IQSEC2: variants seen among roughly 807,000 people sequenced by gnomAD.
IQSEC2 encodes IQ motif and SEC7 domain-containing protein 2.
A neutral mutation model predicts 74.6 loss-of-function variants in IQSEC2; 6 were observed. The observed-to-expected ratio is 0.08, with a 90% CI of 0.04 to 0.16. IQSEC2 has a LOEUF of 0.16. Among genes scored for constraint, IQSEC2 ranks in the 10% least tolerant of loss-of-function variants. The pLI is 1.00. For synonymous variants in IQSEC2, 494 were observed against 544.5 expected (o/e 0.91, Z 1.29); for missense variants, 734 against 1,306.2 (o/e 0.56, Z 6.75).
At chrX:53,278,816 CTGT>C (rs1556870083) in intron 2 of IQSEC2, among the ~76,000 whole-genome samples, 2 of 112,158 alleles carry the variant, frequency 1.8e-5, no homozygotes, top group Non-Finnish European at 3.8e-5. Flanking sequence ...TTTGCTGCTG[CTGT>C]TAATATTTCC....
chrX:53,236,126 C>G (rs1409039335), intron 13 of IQSEC2, among the ~76,000 whole-genome samples, 196 bp downstream of exon 13: 1 of 112,483 alleles, frequency 8.9e-6, no homozygotes, highest in Non-Finnish European at 1.9e-5. Flanking sequence ...TTCACACTCC[C>G]TGGCCCAAAA....
At chrX:53,263,729 C>T (rs2074607243) in intron 2 of IQSEC2, among the ~76,000 whole-genome samples, 1 of 111,645 alleles carries the variant, frequency 9.0e-6, no homozygotes, top group African/African-American at 3.3e-5. Flanking sequence ...TCACTCCTGC[C>T]GCTCACGGAA....
Position 53,236,393 on chromosome X carries a change from T to A in IQSEC2, c.3380A>T (p.Asp1127Val), listed in dbSNP as rs144128848. The change falls in exon 13 of 15, where the codon GAC becomes GTC. Residue 1127 changes from aspartate (D) to valine (V), a missense_variant. Asp to Val is a radical substitution (Grantham distance 152). Coordinates refer to ENST00000642864, the MANE Select transcript of IQSEC2 (RefSeq NM_001111125.3). ...NGTMARSSLE[D>V]TYGAGDGLKR... Reference sequence around the variant, plus strand: ...GAGCCCATCGCCTGCCCCGTAAGTGTCCTCCAGGCTACTGCGGGCCATCGT... The same window carrying A: ...GAGCCCATCGCCTGCCCCGTAAGTGACCTCCAGGCTACTGCGGGCCATCGT... 2 of 1,206,373 alleles carry A rather than the reference T, an allele frequency of 1.7e-6. No individual in the cohort carries two copies. The highest frequency in any genetic ancestry group is 2.2e-6 in the Non-Finnish European group (2 of 893,017).
chrX:53,253,124 A>C (rs2074416496), intron 4 of IQSEC2, among the ~76,000 whole-genome samples: 1 of 112,469 alleles, frequency 8.9e-6, no homozygotes, highest in Non-Finnish European at 1.9e-5. Context: ...AGGCCAGATC[A>C]TAGAGGTTAG....
chrX:53,280,765 G>A (rs1191153871), intron 2 of IQSEC2, among the ~76,000 whole-genome samples: 2 of 111,698 alleles, frequency 1.8e-5, no homozygotes, highest in African/African-American at 6.5e-5. Flanking sequence ...GGGCAGGGAG[G>A]CTGAGGGCCT....
In IQSEC2 at chrX:53,255,946, G is replaced by A; in HGVS notation, c.853C>T (p.Pro285Ser). The A allele has an allele frequency of 4.2e-6, 5 of 1,200,184 alleles. No homozygotes were observed. The highest frequency in any genetic ancestry group is 5.6e-6 in the Non-Finnish European group (5 of 888,972). The stretch of plus-strand genomic sequence containing the variant: ...GCCCAGGGAAGGCCCACTCCAGCAG[G>A]GGGGCCCCCCATGTGGCTGCTGGAG... Reference protein sequence around the residue: ...PPSSSHMGGPPAGVGLPWAQR... With the variant: ...PPSSSHMGGPSAGVGLPWAQR... The change falls in exon 3 of 15, where the codon CCT becomes TCT. Residue 285 changes from proline (P) to serine (S), a missense_variant. Physicochemically the swap from Pro to Ser is moderately conservative, Grantham distance 74 (BLOSUM62 -1). Coordinates refer to ENST00000642864, the MANE Select transcript of IQSEC2 (RefSeq NM_001111125.3).
intron 4 of IQSEC2, among the ~76,000 whole-genome samples, chrX:53,253,448 C>T (rs921115452): frequency 6.2e-5 from 7 of 112,215 alleles, no homozygotes; most frequent in South Asian, 3.7e-4. Flanking sequence ...CCCAAGCCTA[C>T]AACGATCACC....
rs1556859480 is a variant in IQSEC2 at position 53,235,763 on chromosome X, G to A, written c.3501+20C>T. 6.9e-6 allele frequency: 8 copies of A among 1,165,027 alleles called. No individual in the cohort carries two copies. Among genetic ancestry groups the A allele is most frequent in the Non-Finnish European group, 9.2e-6 (8 of 870,949 alleles). On this transcript the variant is annotated intron_variant, in intron 14 of 14. Transcript: ENST00000642864. ...GCAGGGCTCATGCAGAGGACGAGTG[G>A]GGCAGGAGCTGGCACTTACTTCGAT...
chrX:53,288,685 C>T (rs1023317051), intron 2 of IQSEC2, among the ~76,000 whole-genome samples: 5 of 112,107 alleles, frequency 4.5e-5, no homozygotes, highest in African/African-American at 1.6e-4. Flanking sequence ...CACTATTTCA[C>T]ACCAAGCATT....
chrX:53,295,603 CAAAAAAAAAAA>C (rs782410222), intron 1 of IQSEC2, among the ~76,000 whole-genome samples: 1 of 40,578 alleles, frequency 2.5e-5, no homozygotes, highest in Non-Finnish European at 3.9e-5. Context: ...GACTCCGTCT[CAAAAAAAAAAA>C]AAAAAAAAAA....
rs782410137 is a variant in IQSEC2 at position 53,257,059 on chromosome X, C to T, written c.738-998G>A. ...TGGGGAAGACAGGGAAGGAGTCGGGCGGGAAGGAACACGCAGGTGAGGCAT... is the reference window on the plus strand; with the variant it reads ...TGGGGAAGACAGGGAAGGAGTCGGGTGGGAAGGAACACGCAGGTGAGGCAT... On this transcript the variant is annotated intron_variant, in intron 2 of 14. Transcript: ENST00000642864. 9.0e-5 allele frequency among the ~76,000 whole-genome samples: 10 copies of T among 111,353 alleles called. No individual in the cohort carries two copies. The South Asian group carries it at 1.1e-3, about 13-fold the overall frequency.
intron 1 of IQSEC2, among the ~76,000 whole-genome samples, chrX:53,313,956 C>A (rs2075343739): frequency 8.9e-6 from 1 of 112,310 alleles, no homozygotes; most frequent in African/African-American, 3.2e-5. Flanking sequence ...AAAATGGCTC[C>A]AGGGAGCATG....
downstream of IQSEC2, chrX:53,227,651 G>T: frequency 3.3e-6 from 1 of 303,485 alleles, no homozygotes; most frequent in South Asian, 1.5e-4. Flanking sequence ...CAGATGAAAA[G>T]GAGGCAGAGG....
Position 53,305,043 on chromosome X carries a change from C to T in IQSEC2, c.708-13119G>A, listed in dbSNP as rs1341149780. ...AAGTGATTCTCGTGCCCCAGCCTCC[C>T]GAGTAGCTGGGATTACAGGTGTGCA... On this transcript the variant is annotated intron_variant, in intron 1 of 14. Coordinates refer to ENST00000642864, the MANE Select transcript of IQSEC2 (RefSeq NM_001111125.3). 2.7e-5 allele frequency among the ~76,000 whole-genome samples: 3 copies of T among 109,676 alleles called. No individual in the cohort carries two copies. The Admixed American group carries it at 2.9e-4, about 11-fold the overall frequency.
intron 8 of IQSEC2, among the ~76,000 whole-genome samples, chrX:53,246,259 C>T (rs1267155545): frequency 8.9e-6 from 1 of 112,339 alleles, no homozygotes; most frequent in African/African-American, 3.2e-5. Flanking sequence ...GTGTCACCTT[C>T]TCCATGCCTT....
intron 1 of IQSEC2, among the ~76,000 whole-genome samples, chrX:53,317,006 A>G (rs997850342): frequency 7.2e-5 from 8 of 110,580 alleles, no homozygotes; most frequent in Non-Finnish European, 1.3e-4. Flanking sequence ...AGCTGGGCCC[A>G]TGCAAAGAGC....
chrX:53,261,670 TCACA>T lies in IQSEC2; in HGVS notation c.738-5613_738-5610del, dbSNP rs782091295. Among the ~76,000 whole-genome samples the T allele has an allele frequency of 8.6e-5, 9 of 104,796 alleles. No individual in the cohort carries two copies. In the East Asian group the frequency reaches 1.2e-3, roughly 14 times the overall value. The allele number at this position is 104,796 out of a possible 115,157, so 91.0% of individuals were successfully genotyped here. On this transcript the variant is annotated intron_variant, in intron 2 of 14. Transcript: ENST00000642864. ...TACGGACACAACCACACACACACAC[TCACA>T]CACACACACACACGCCCATGTGCGC...
At chrX:53,248,003 T>A (rs2074332463) in intron 7 of IQSEC2, 111 bp downstream of exon 7, 2 of 943,220 alleles carry the variant, frequency 2.1e-6, no homozygotes, top group African/African-American at 1.9e-5. Flanking sequence ...ATTTATCATC[T>A]CTGTTTTATG....
At chrX:53,270,016 T>C (rs928241096) in intron 2 of IQSEC2, among the ~76,000 whole-genome samples, 4 of 110,644 alleles carry the variant, frequency 3.6e-5, no homozygotes, top group East Asian at 2.9e-4. Flanking sequence ...TTTTCAGTGA[T>C]CTCATTCCAT....
Sources: gnomAD v4.1 joint callset for allele counts (sites outside exome capture counted in the v4.1 genomes callset) on GRCh38, gnomAD v4.1.1 for gene constraint, MANE v1.5 for transcripts, NCBI Gene and HGNC (gene_info 2026-07-23, HGNC 2026-07-21) for gene names.